AK8: variants seen among roughly 807,000 people sequenced by gnomAD.
AK8 encodes ATP-AMP transphosphorylase 8.
In AK8, 44 loss-of-function variants were observed where a neutral mutation model predicts 54.6. The ratio of observed to expected loss-of-function variants is 0.81; its 90% confidence interval spans 0.63 to 1.04. The LOEUF (loss-of-function observed/expected upper bound fraction) is 1.04, where lower values mean the gene tolerates loss of function less well. AK8 is among the 50% of genes least tolerant of loss of function. AK8 has a pLI of 0.00. For synonymous variants in AK8, 239 were observed against 245.6 expected (o/e 0.97, Z 0.25); for missense variants, 555 against 613.6 (o/e 0.90, Z 1.01).
chr9:132,871,749 C>T lies in AK8; in HGVS notation c.169+3366G>A, dbSNP rs551621533. Among the ~76,000 whole-genome samples the T allele has an allele frequency of 3.3e-5, 5 of 152,278 alleles. No individual in the cohort carries two copies. In the East Asian group the frequency reaches 5.8e-4, roughly 18 times the overall value. ...GAGCTTCAGGAAAGCCCCAGACCTTCGGATGAAGGGAAAGGGGCGCTAAGG... is the reference window on the plus strand; with the variant it reads ...GAGCTTCAGGAAAGCCCCAGACCTTTGGATGAAGGGAAAGGGGCGCTAAGG... On this transcript the variant is annotated intron_variant, in intron 2 of 12. Coordinates refer to ENST00000298545, the MANE Select transcript of AK8 (RefSeq NM_152572.3).
chr9:132,858,626 C>T (rs1843268592), intron 4 of AK8, among the ~76,000 whole-genome samples: 1 of 152,198 alleles, frequency 6.6e-6, no homozygotes, highest in African/African-American at 2.4e-5. Flanking sequence ...GAGGGAAACC[C>T]AGTAGTCGGA....
chr9:132,872,991 T>G (rs1843922682), intron 2 of AK8, among the ~76,000 whole-genome samples: 1 of 152,152 alleles, frequency 6.6e-6, no homozygotes, highest in Non-Finnish European at 1.5e-5. Flanking sequence ...TTTTTTTTAT[T>G]TTTAGTAGAG....
chr9:132,788,997 A>C (rs1839832969), intron 11 of AK8, among the ~76,000 whole-genome samples: 1 of 152,236 alleles, frequency 6.6e-6, no homozygotes, highest in South Asian at 2.1e-4. Context: ...TTAGCTGCTT[A>C]AAGATACTCA....
chr9:132,779,684 G>A (rs1384350359), intron 11 of AK8, among the ~76,000 whole-genome samples: 1 of 102,966 alleles, frequency 9.7e-6, no homozygotes, highest in Non-Finnish European at 2.4e-5. Flanking sequence ...GAGCAGTAGT[G>A]CTGTGAGGTT....
chr9:132,770,856 T>A lies in AK8; in HGVS notation c.1121+21778A>T, dbSNP rs1838943315. On this transcript the variant is annotated intron_variant, in intron 11 of 12. Transcript: ENST00000298545. This position sits in a 1 kb window ranked among gnomAD's most constrained non-coding sequence, Gnocchi z 4.3. ...CCCCCTGGCATGGGGTTACACCTTC[T>A]CTCAGGCCCAGCGGTGTGGGCCTCC... Among the ~76,000 whole-genome samples, 1 of 152,138 alleles carries A rather than the reference T, an allele frequency of 6.6e-6. No individual in the cohort carries two copies. The highest frequency in any genetic ancestry group is 2.4e-5 in the African/African-American group (1 of 41,444).
Position 132,837,055 on chromosome 9 carries a change from T to A in AK8, c.403-8329A>T, listed in dbSNP as rs548747227. On this transcript the variant is annotated intron_variant, in intron 5 of 12. Coordinates refer to ENST00000298545, the MANE Select transcript of AK8 (RefSeq NM_152572.3). The surrounding 1 kb of genome is among the most constrained non-coding windows in gnomAD (Gnocchi z 4.3). ...GGGAGAACGGGCCAGGCGTGGTGGT[T>A]CACGCCTATAATCCCAGCACTTTGG... Among the ~76,000 whole-genome samples, 2 of 152,238 alleles carry A rather than the reference T, an allele frequency of 1.3e-5. No homozygotes were observed. Among genetic ancestry groups the A allele is most frequent in the African/African-American group, 2.4e-5 (1 of 41,548 alleles).
At chr9:132,764,295 G>C (rs1838622536) in intron 11 of AK8, among the ~76,000 whole-genome samples, 2 of 152,050 alleles carry the variant, frequency 1.3e-5, no homozygotes, top group African/African-American at 4.8e-5. Flanking sequence ...GGACAACAGA[G>C]CAAGACTCTG....
intron 10 of AK8, among the ~76,000 whole-genome samples, chr9:132,808,083 T>A (rs1840805506): frequency 6.6e-6 from 1 of 152,136 alleles, no homozygotes; most frequent in African/African-American, 2.4e-5. Context: ...TTTTAAATGA[T>A]ACAGAAACAG....
At chr9:132,773,020 C>T (rs1187678628) in intron 11 of AK8, among the ~76,000 whole-genome samples, 1 of 152,188 alleles carries the variant, frequency 6.6e-6, no homozygotes, top group Non-Finnish European at 1.5e-5. Context: ...AGCGGGATCC[C>T]ATCTGTCATT....
intron 11 of AK8, among the ~76,000 whole-genome samples, chr9:132,784,094 A>T (rs770214537): frequency 6.6e-6 from 1 of 152,238 alleles, no homozygotes; most frequent in Non-Finnish European, 1.5e-5. Context: ...GTCCAGAGAA[A>T]AGTAATAAGG....
At chr9:132,793,612 A>C (rs1043565409) in intron 10 of AK8, among the ~76,000 whole-genome samples, 2 of 152,200 alleles carry the variant, frequency 1.3e-5, no homozygotes, top group Admixed American at 1.3e-4. Flanking sequence ...TTATAACCAA[A>C]GACTGAAATA....
intron 11 of AK8, among the ~76,000 whole-genome samples, chr9:132,787,741 G>A (rs979743694): frequency 4.6e-5 from 7 of 152,160 alleles, no homozygotes; most frequent in African/African-American, 1.2e-4. Flanking sequence ...AATGATTGTT[G>A]TGTACAGGCA....
At chr9:132,868,477 T>G (rs113610052) in intron 2 of AK8, among the ~76,000 whole-genome samples, 2 of 152,288 alleles carry the variant, frequency 1.3e-5, no homozygotes, top group African/African-American at 4.8e-5. Flanking sequence ...CCATCAGGAA[T>G]GTCCTCCCTT....
intron 11 of AK8, among the ~76,000 whole-genome samples, chr9:132,785,755 G>A (rs1008498594): frequency 8.5e-5 from 13 of 152,152 alleles, no homozygotes; most frequent in African/African-American, 3.1e-4. Context: ...CAACATCTAC[G>A]GGCTCCACCC....
intron 5 of AK8, among the ~76,000 whole-genome samples, chr9:132,839,431 A>G (rs1842447060): frequency 6.6e-6 from 1 of 152,172 alleles, no homozygotes; most frequent in South Asian, 2.1e-4. Context: ...CATTTAACTG[A>G]TCATGGGTCC....
At chr9:132,755,357 C>T (rs1156729457) in intron 11 of AK8, among the ~76,000 whole-genome samples, 2 of 152,126 alleles carry the variant, frequency 1.3e-5, no homozygotes, top group African/African-American at 2.4e-5. Flanking sequence ...TGCTGCCAGC[C>T]GAGCACCCGA....
In AK8 at chr9:132,826,580, C is replaced by T. The variant is rs932548553; in HGVS notation, c.757+274G>A. Among the ~76,000 whole-genome samples the T allele has an allele frequency of 3.3e-5, 5 of 152,186 alleles. No homozygotes were observed. The highest frequency in any genetic ancestry group is 4.4e-5 in the Non-Finnish European group (3 of 68,026). Reference sequence around the variant, plus strand: ...CCCCATCCCTTGCCTCTCCTCCTCCCGACCCCACGACCACCAAATCTGCTG... The same window carrying T: ...CCCCATCCCTTGCCTCTCCTCCTCCTGACCCCACGACCACCAAATCTGCTG... On this transcript the variant is annotated intron_variant, in intron 8 of 12. Coordinates refer to ENST00000298545, the MANE Select transcript of AK8 (RefSeq NM_152572.3). This position sits in a 1 kb window ranked among gnomAD's most constrained non-coding sequence, Gnocchi z 4.5.
rs968761901 is a variant in AK8, at chr9:132,837,797, G to T, written c.403-9071C>A. ...TACAGAAACACCCACAAATAAGGGG[G>T]CACAGGAGGTGTGCTCACTGTGCTG... On this transcript the variant is annotated intron_variant, in intron 5 of 12. Transcript: ENST00000298545. This position sits in a 1 kb window ranked among gnomAD's most constrained non-coding sequence, Gnocchi z 4.3. Among the ~76,000 whole-genome samples, 2 of 152,130 alleles carry T rather than the reference G, an allele frequency of 1.3e-5. No individual in the cohort carries two copies. The highest frequency in any genetic ancestry group is 2.9e-5 in the Non-Finnish European group (2 of 68,008).
intron 11 of AK8, among the ~76,000 whole-genome samples, chr9:132,735,779 T>A (rs1305891812): frequency 1.3e-5 from 2 of 152,202 alleles, no homozygotes; most frequent in East Asian, 3.9e-4. Context: ...CTTAGCAGCA[T>A]GATTCGCAAC....
Sources: gnomAD v4.1 joint callset for allele counts (sites outside exome capture counted in the v4.1 genomes callset) on GRCh38, gnomAD v4.1.1 for gene constraint, Gnocchi (gnomAD v3.1) non-coding constraint, MANE v1.5 for transcripts, NCBI Gene and HGNC (gene_info 2026-07-23, HGNC 2026-07-21) for gene names.